Variants in CDH19 observed in about 807,000 individuals in gnomAD.
CDH19 encodes cadherin-19.
In CDH19, 67 loss-of-function variants were observed where a neutral mutation model predicts 64.2. The observed-to-expected ratio is 1.04, with a 90% CI of 0.86 to 1.28. CDH19 has a LOEUF of 1.28. CDH19 is among the 50% of genes most tolerant of loss of function. The pLI, the probability that CDH19 is intolerant of heterozygous loss-of-function variation, is 0.00. For synonymous variants in CDH19, 346 were observed against 319.3 expected (o/e 1.08, Z -0.89); for missense variants, 1,030 against 929.0 (o/e 1.11, Z -1.41).
intron 5 of CDH19, among the ~76,000 whole-genome samples, chr18:66,545,840 G>T (rs112386518): frequency 6.6e-6 from 1 of 152,016 alleles, no homozygotes; most frequent in South Asian, 2.1e-4. Flanking sequence ...GTAAGTGAAT[G>T]TAATATAAAA....
chr18:66,602,930 T>C (rs1445695958), intron 1 of CDH19, among the ~76,000 whole-genome samples: 1 of 151,568 alleles, frequency 6.6e-6, no homozygotes, highest in East Asian at 1.9e-4. Flanking sequence ...AATTACAATA[T>C]TAAGAATTTG....
chr18:66,555,851 T>C (rs1205127150), intron 3 of CDH19, among the ~76,000 whole-genome samples: 1 of 151,842 alleles, frequency 6.6e-6, no homozygotes, highest in Non-Finnish European at 1.5e-5. Flanking sequence ...CATTTCCTCA[T>C]TATAATTCTC....
At chr18:66,540,133 T>C (rs952650136) in intron 7 of CDH19, among the ~76,000 whole-genome samples, 1 of 152,166 alleles carries the variant, frequency 6.6e-6, no homozygotes, top group Non-Finnish European at 1.5e-5. Flanking sequence ...TAATAAACTT[T>C]AGCAATATTT....
intron 7 of CDH19, among the ~76,000 whole-genome samples, chr18:66,542,717 G>A (rs979215721): frequency 2.0e-5 from 3 of 152,024 alleles, no homozygotes; most frequent in African/African-American, 7.2e-5. Context: ...GGGCAGGCGA[G>A]CCAGCCTTAC....
At chr18:66,552,912 A>C (rs1378056361) in intron 4 of CDH19, among the ~76,000 whole-genome samples, 3 of 133,138 alleles carry the variant, frequency 2.3e-5, no homozygotes, top group Admixed American at 2.2e-4. Context: ...ACTGGTGTTC[A>C]GTTATTCTAA....
chr18:66,592,945 A>G (rs1988784914), intron 1 of CDH19, among the ~76,000 whole-genome samples: 1 of 151,770 alleles, frequency 6.6e-6, no homozygotes, highest in South Asian at 2.1e-4. Flanking sequence ...TATTACTTCT[A>G]TCTAGTTCTA....
chr18:66,539,639 T>C (rs1408704497), intron 7 of CDH19, among the ~76,000 whole-genome samples: 1 of 152,086 alleles, frequency 6.6e-6, no homozygotes, highest in Admixed American at 6.5e-5. Context: ...AAGGATATAC[T>C]TTCCTTTTCA....
chr18:66,512,474 G>A (rs1598968108), intron 9 of CDH19, among the ~76,000 whole-genome samples: 1 of 151,468 alleles, frequency 6.6e-6, no homozygotes, highest in African/African-American at 2.4e-5. Flanking sequence ...TACAATTAAA[G>A]TGCCTTTAAC....
chr18:66,557,008 T>A (rs935994803), intron 3 of CDH19, among the ~76,000 whole-genome samples: 1 of 151,458 alleles, frequency 6.6e-6, no homozygotes, highest in African/African-American at 2.4e-5. Flanking sequence ...AATATGGAGG[T>A]TCCTAAAGAA....
chr18:66,514,990 A>G (rs1398340575), intron 9 of CDH19, among the ~76,000 whole-genome samples: 2 of 151,706 alleles, frequency 1.3e-5, no homozygotes, highest in African/African-American at 4.8e-5. Context: ...TAGTCAATGA[A>G]TAAATTGTTG....
Position 66,519,556 on chromosome 18 carries a change from G to T in CDH19, c.1459-7871C>A, listed in dbSNP as rs539949114. On this transcript the variant is annotated intron_variant, in intron 9 of 11. Coordinates refer to ENST00000262150, the MANE Select transcript of CDH19 (RefSeq NM_021153.4). Reference sequence around the variant, plus strand: ...TTTTGATGTTTCATTCTCACATAAGGGGAAACATATTTGAATTACATCTCA... The same window carrying T: ...TTTTGATGTTTCATTCTCACATAAGTGGAAACATATTTGAATTACATCTCA... Among the ~76,000 whole-genome samples the T allele has an allele frequency of 4.0e-4, 61 of 152,010 alleles. No individual in the cohort carries two copies. The East Asian group carries it at 6.0e-3, about 15-fold the overall frequency.
intron 9 of CDH19, among the ~76,000 whole-genome samples, chr18:66,516,429 C>T (rs1440317301): frequency 6.6e-6 from 1 of 151,948 alleles, no homozygotes; most frequent in Non-Finnish European, 1.5e-5. Context: ...AGAAACAATA[C>T]AGAAATTACT....
intron 9 of CDH19, among the ~76,000 whole-genome samples, chr18:66,526,242 C>T (rs1051089316): frequency 1.3e-5 from 2 of 152,004 alleles, no homozygotes; most frequent in Admixed American, 1.3e-4. Flanking sequence ...GTTAACTAAA[C>T]TTTTTAAGCA....
chr18:66,578,161 C>T (rs996415968), intron 1 of CDH19, among the ~76,000 whole-genome samples: 1 of 151,882 alleles, frequency 6.6e-6, no homozygotes, highest in South Asian at 2.1e-4. Flanking sequence ...GATATCTCTG[C>T]GAGCCATTAT....
chr18:66,518,213 ATTATTC>A (rs1323277872), intron 9 of CDH19, among the ~76,000 whole-genome samples: 1 of 151,754 alleles, frequency 6.6e-6, no homozygotes, highest in Non-Finnish European at 1.5e-5. Flanking sequence ...ATTTAGGTTT[ATTATTC>A]TTATTCATTA....
chr18:66,562,519 C>T (rs1314818658), intron 3 of CDH19, among the ~76,000 whole-genome samples: 9 of 151,948 alleles, frequency 5.9e-5, no homozygotes, highest in Non-Finnish European at 1.3e-4. Context: ...TTGCCTGCTG[C>T]TCACCTCCTG....
chr18:66,545,775 C>T (rs975210808), intron 5 of CDH19, among the ~76,000 whole-genome samples: 21 of 152,038 alleles, frequency 1.4e-4, no homozygotes, highest in Non-Finnish European at 5.9e-5. Context: ...GGGTCTGAGC[C>T]TGCATTACAT....
At chr18:66,570,917 T>C (rs1988080898) in intron 2 of CDH19, among the ~76,000 whole-genome samples, 1 of 151,472 alleles carries the variant, frequency 6.6e-6, no homozygotes, top group African/African-American at 2.4e-5. Flanking sequence ...CCCCATTCAG[T>C]GATGGGAGAG....
At chr18:66,534,843 T>C in intron 8 of CDH19, 143 bp downstream of exon 8, 1 of 456,702 alleles carries the variant, frequency 2.2e-6, no homozygotes, top group East Asian at 3.5e-5. Context: ...ACTAATAAAA[T>C]ACGCAAGTAC....
Sources: allele counts gnomAD v4.1 joint callset (sites outside exome capture counted in the v4.1 genomes callset), GRCh38; gene constraint gnomAD v4.1.1; transcripts MANE v1.5; gene names NCBI Gene and HGNC (gene_info 2026-07-23, HGNC 2026-07-21).